ETV6: variants seen among roughly 807,000 people sequenced by gnomAD.
ETV6 encodes transcription factor ETV6.
Under a neutral mutation model 51.1 loss-of-function variants are expected in ETV6, and 16 were observed. The observed-to-expected ratio is 0.31, with a 90% CI of 0.21 to 0.48. The LOEUF is 0.48. Among genes scored for constraint, ETV6 ranks in the 20% least tolerant of loss-of-function variants. The pLI is 0.99. For missense variants in ETV6, 458 were observed against 594.8 expected (o/e 0.77, Z 2.39); for synonymous variants, 240 against 224.1 (o/e 1.07, Z -0.64).
At chr12:11,726,718 C>T (rs780621938) in intron 1 of ETV6, among the ~76,000 whole-genome samples, 66 of 152,208 alleles carry the variant, frequency 4.3e-4, no homozygotes, top group African/African-American at 1.5e-3. Flanking sequence ...TGCAGTGAGC[C>T]GTGATCACAC....
At chr12:11,801,208 C>G (rs1447158540) in intron 2 of ETV6, among the ~76,000 whole-genome samples, 2 of 152,202 alleles carry the variant, frequency 1.3e-5, no homozygotes, top group African/African-American at 4.8e-5. Context: ...ATAGACCTCT[C>G]AGCTGACCAA....
In ETV6 at chr12:11,732,823, A is replaced by G. The variant is rs527904111; in HGVS notation, c.34-19627A>G. Reference sequence around the variant, plus strand: ...TCAATTGCCCAATTCCAGCTCTGTAATCATTATGTTAAATGATACAAGTTT... The same window carrying G: ...TCAATTGCCCAATTCCAGCTCTGTAGTCATTATGTTAAATGATACAAGTTT... On this transcript the variant is annotated intron_variant, in intron 1 of 7. Coordinates refer to ENST00000396373, the MANE Select transcript of ETV6 (RefSeq NM_001987.5). 7.9e-5 allele frequency among the ~76,000 whole-genome samples: 12 copies of G among 152,322 alleles called. No individual in the cohort carries two copies. The South Asian group carries it at 2.3e-3, about 29-fold the overall frequency.
intron 1 of ETV6, among the ~76,000 whole-genome samples, chr12:11,721,183 A>G (rs1166065905): frequency 6.6e-6 from 1 of 152,168 alleles, no homozygotes; most frequent in African/African-American, 2.4e-5. Flanking sequence ...AAACAGAGCT[A>G]CCATTCAGCC....
chr12:11,705,720 G>C (rs941974808), intron 1 of ETV6, among the ~76,000 whole-genome samples: 3 of 152,100 alleles, frequency 2.0e-5, no homozygotes, highest in Non-Finnish European at 4.4e-5. Flanking sequence ...GAACCACAGG[G>C]TGCCCTCATA....
intron 1 of ETV6, among the ~76,000 whole-genome samples, chr12:11,714,236 A>G (rs1303262833): frequency 6.6e-6 from 1 of 152,210 alleles, no homozygotes; most frequent in Non-Finnish European, 1.5e-5. Context: ...AAGAGAGGCA[A>G]GGGAAGACAG....
intron 2 of ETV6, among the ~76,000 whole-genome samples, chr12:11,763,172 C>G (rs1945115573): frequency 6.6e-6 from 1 of 152,178 alleles, no homozygotes; most frequent in South Asian, 2.1e-4. Flanking sequence ...TCTTGAACTC[C>G]TCAGCTCCCA....
intron 1 of ETV6, among the ~76,000 whole-genome samples, chr12:11,738,624 C>T (rs1434064857): frequency 6.6e-6 from 1 of 152,092 alleles, no homozygotes; most frequent in Non-Finnish European, 1.5e-5. Flanking sequence ...CACTTTTCCA[C>T]AGCTGCTTTA....
chr12:11,858,520 G>A (rs1402318227), intron 4 of ETV6, among the ~76,000 whole-genome samples: 1 of 152,080 alleles, frequency 6.6e-6, no homozygotes, highest in Non-Finnish European at 1.5e-5. Context: ...CTCTGAATGA[G>A]ACCAGCTCCA....
intron 2 of ETV6, among the ~76,000 whole-genome samples, chr12:11,819,067 A>T (rs955343881): frequency 1.1e-4 from 16 of 152,056 alleles, no homozygotes; most frequent in Admixed American, 2.6e-4. Context: ...ACCTAGTTCC[A>T]TTCCATCTTC....
chr12:11,856,972 T>A (rs1946641594), intron 4 of ETV6, among the ~76,000 whole-genome samples: 1 of 152,132 alleles, frequency 6.6e-6, no homozygotes, highest in Admixed American at 6.5e-5. Context: ...GGTAGGTGGG[T>A]AGGTAAGTAG....
chr12:11,669,234 T>A (rs2120684723), intron 1 of ETV6, among the ~76,000 whole-genome samples: 1 of 152,266 alleles, frequency 6.6e-6, no homozygotes, highest in African/African-American at 2.4e-5. Context: ...CAGTTGCCAA[T>A]CTCAAGCTTG....
chr12:11,674,749 C>T (rs1353330822), intron 1 of ETV6, among the ~76,000 whole-genome samples: 1 of 151,748 alleles, frequency 6.6e-6, no homozygotes, highest in Non-Finnish European at 1.5e-5. Context: ...TGAGTGTCCA[C>T]CACCTAGAGA....
At chr12:11,799,844 C>T (rs1249608698) in intron 2 of ETV6, among the ~76,000 whole-genome samples, 2 of 152,162 alleles carry the variant, frequency 1.3e-5, no homozygotes, top group Non-Finnish European at 2.9e-5. Context: ...CTGCTCACTG[C>T]AGCCTCGATG....
At chr12:11,804,067 TC>T (rs1945791103) in intron 2 of ETV6, among the ~76,000 whole-genome samples, 1 of 152,236 alleles carries the variant, frequency 6.6e-6, no homozygotes, top group South Asian at 2.1e-4. Context: ...TCTAGTTTTT[TC>T]TATTTTTTTG....
chr12:11,863,471 C>T (rs962864342), intron 4 of ETV6, among the ~76,000 whole-genome samples: 1 of 152,152 alleles, frequency 6.6e-6, no homozygotes, highest in Non-Finnish European at 1.5e-5. Context: ...TTTCTTCCTC[C>T]CTTCCTTCTG....
rs541152660 is a variant in ETV6, at chr12:11,892,950, G to A, written c.*1904G>A. ...CTTATCAGAGCACAGGTAGACACACGGGCATAGCCAGCCCACTCCTACTGT... is the reference window on the plus strand; with the variant it reads ...CTTATCAGAGCACAGGTAGACACACAGGCATAGCCAGCCCACTCCTACTGT... On this transcript the variant is annotated 3_prime_UTR_variant, in exon 8 of 8. Coordinates refer to ENST00000396373, the MANE Select transcript of ETV6 (RefSeq NM_001987.5). 2.0e-4 allele frequency: 47 copies of A among 232,976 alleles called. No individual in the cohort carries two copies. The highest frequency in any genetic ancestry group is 7.0e-4 in the African/African-American group (32 of 45,440). 14.4% of individuals were successfully genotyped at this position (232,976 alleles called of 1,614,324 possible).
chr12:11,862,949 G>A (rs1189659232), intron 4 of ETV6, among the ~76,000 whole-genome samples: 1 of 152,140 alleles, frequency 6.6e-6, no homozygotes, highest in East Asian at 1.9e-4. Context: ...AAAATGACTG[G>A]GAGAGGGAGA....
At chr12:11,737,621 G>C (rs1231214615) in intron 1 of ETV6, among the ~76,000 whole-genome samples, 1 of 152,162 alleles carries the variant, frequency 6.6e-6, no homozygotes, top group Non-Finnish European at 1.5e-5. Flanking sequence ...GTTGTCTTAT[G>C]GTGAGACAAT....
rs75222158 is a variant in ETV6, at chr12:11,819,749, C to T, written c.164-19391C>T. Among the ~76,000 whole-genome samples the T allele has an allele frequency of 4.6e-3, 707 of 152,344 alleles. 4 individuals carry two copies. Among genetic ancestry groups the T allele is most frequent in the African/African-American group, 0.016 (669 of 41,572 alleles). The stretch of plus-strand genomic sequence containing the variant: ...CCATGGTATCTTCAGCCCATCCTTT[C>T]TCCATCCCTTCTGCTTTAGTTCAGG... On this transcript the variant is annotated intron_variant, in intron 2 of 7. Coordinates refer to ENST00000396373, the MANE Select transcript of ETV6 (RefSeq NM_001987.5).
Sources: gnomAD v4.1 joint callset for allele counts (sites outside exome capture counted in the v4.1 genomes callset) on GRCh38, gnomAD v4.1.1 for gene constraint, MANE v1.5 for transcripts, NCBI Gene and HGNC (gene_info 2026-07-23, HGNC 2026-07-21) for gene names.